Variants in OPCML observed in about 807,000 individuals in gnomAD.
The protein encoded by OPCML is opioid-binding protein/cell adhesion molecule.
OPCML carries 13 observed loss-of-function variants against 37.8 expected under a neutral mutation model. The ratio of observed to expected loss-of-function variants is 0.34; its 90% CI spans 0.22 to 0.55. The LOEUF (loss-of-function observed/expected upper bound fraction) is 0.55, where lower values mean the gene tolerates loss of function less well. Among genes scored for constraint, OPCML ranks in the 20% least tolerant of loss-of-function variants. The probability of loss-of-function intolerance (pLI) is 0.91; values close to 1 mark genes in which losing one functional copy is unlikely to be tolerated. For missense variants in OPCML, 341 were observed against 435.6 expected, an observed-to-expected ratio of 0.78 and a Z score of 1.93; for synonymous variants, 176 against 168.8, an observed-to-expected ratio of 1.04 and a Z score of -0.33.
intron 1 of OPCML, among the ~76,000 whole-genome samples, chr11:133,279,494 G>T (rs769410134): frequency 6.6e-6 from 1 of 152,156 alleles, no homozygotes; most frequent in South Asian, 2.1e-4. Context: ...GCTAAAGACC[G>T]TAGGCAGAAT....
chr11:132,459,407 TCACACATA>T (rs1333492998), intron 4 of OPCML, among the ~76,000 whole-genome samples: 1 of 117,582 alleles, frequency 8.5e-6, no homozygotes, highest in South Asian at 2.7e-4. Context: ...CTCTCTCTCT[TCACACATA>T]CATACATACA....
chr11:132,961,036 G>A (rs1278695429), intron 1 of OPCML, among the ~76,000 whole-genome samples: 1 of 152,124 alleles, frequency 6.6e-6, no homozygotes, highest in Non-Finnish European at 1.5e-5. Context: ...GCCGGATTCC[G>A]AAAAAGGGCA....
At chr11:132,473,908 C>T (rs1232664535) in intron 4 of OPCML, among the ~76,000 whole-genome samples, 1 of 152,076 alleles carries the variant, frequency 6.6e-6, no homozygotes, top group Non-Finnish European at 1.5e-5. Context: ...AAAATCCAAA[C>T]AGAACACTGT....
chr11:133,389,864 A>G (rs1945131454), intron 1 of OPCML, among the ~76,000 whole-genome samples: 1 of 152,234 alleles, frequency 6.6e-6, no homozygotes, highest in African/African-American at 2.4e-5. Flanking sequence ...CTAATTGACA[A>G]TGAAGAAGGA....
intron 4 of OPCML, among the ~76,000 whole-genome samples, chr11:132,481,082 T>C (rs2096178541): frequency 6.6e-6 from 1 of 152,162 alleles, no homozygotes; most frequent in Non-Finnish European, 1.5e-5. Flanking sequence ...ATATTAACTT[T>C]AAATGTAAAT....
intron 2 of OPCML, among the ~76,000 whole-genome samples, chr11:132,836,914 T>C (rs1346269496): frequency 1.3e-5 from 2 of 152,082 alleles, no homozygotes; most frequent in Non-Finnish European, 2.9e-5. Flanking sequence ...TGATAACCAG[T>C]GATCCTACAT....
intron 4 of OPCML, among the ~76,000 whole-genome samples, chr11:132,524,670 G>A (rs2096303370): frequency 6.6e-6 from 1 of 152,132 alleles, no homozygotes; most frequent in South Asian, 2.1e-4. Flanking sequence ...CAAAAGTGAG[G>A]CATGTGTCCT....
chr11:133,110,924 C>A (rs952167824), intron 1 of OPCML, among the ~76,000 whole-genome samples: 5 of 152,144 alleles, frequency 3.3e-5, no homozygotes, highest in Admixed American at 6.6e-5. Flanking sequence ...TGCCATTGGG[C>A]AGTTAGTAAA....
At chr11:133,147,316 T>G (rs76254113) in intron 1 of OPCML, among the ~76,000 whole-genome samples, 4,195 of 152,060 alleles carry the variant, frequency 0.028, 150 homozygotes, top group African/African-American at 0.084. Flanking sequence ...CAGTAGGTCA[T>G]GGGAGATTTG....
Position 133,433,233 on chromosome 11 carries a change from C to T in OPCML, c.61+99031G>A, listed in dbSNP as rs538157748. Among the ~76,000 whole-genome samples, 3 of 116,776 alleles carry T rather than the reference C, an allele frequency of 2.6e-5. No homozygotes were observed. The East Asian group carries it at 6.5e-4, about 25-fold the overall frequency. The allele number at this position is 116,776 out of a possible 152,430, so 76.6% of individuals were successfully genotyped here. A position where few individuals can be genotyped will look rare whatever the true frequency, so the allele number is the denominator to read the frequency against. ...CGCCACTGCACTCCAGCCTGGGCGA[C>T]AGAGCGAGACTCCGTCTCAAAAAAA... is the stretch of plus-strand genomic sequence containing the variant. On this transcript the variant is annotated intron_variant, in intron 1 of 7. Coordinates refer to ENST00000524381, the MANE Select transcript of OPCML (RefSeq NM_001012393.5).
At chr11:133,023,002 C>G (rs774704215) in intron 1 of OPCML, among the ~76,000 whole-genome samples, 20 of 152,194 alleles carry the variant, frequency 1.3e-4, no homozygotes, top group Non-Finnish European at 2.4e-4. Context: ...CGCATTACAC[C>G]CATTGGCCTT....
chr11:132,711,724 T>C (rs998869356), intron 2 of OPCML, among the ~76,000 whole-genome samples: 2 of 152,220 alleles, frequency 1.3e-5, no homozygotes, highest in African/African-American at 4.8e-5. Context: ...GTGTGTGGTA[T>C]ACATATGGAA....
chr11:133,048,087 T>C (rs956256958), intron 1 of OPCML, among the ~76,000 whole-genome samples: 3 of 152,122 alleles, frequency 2.0e-5, no homozygotes, highest in Non-Finnish European at 4.4e-5. Flanking sequence ...GTAAGACGCA[T>C]GCATGGCTTC....
At chr11:132,996,694 A>T (rs1290124240) in intron 1 of OPCML, among the ~76,000 whole-genome samples, 3 of 151,852 alleles carry the variant, frequency 2.0e-5, no homozygotes, top group African/African-American at 7.3e-5. Context: ...AAACAAGACA[A>T]TCTGGCCAGA....
chr11:133,011,007 G>C (rs1344078824), intron 1 of OPCML, among the ~76,000 whole-genome samples: 1 of 152,284 alleles, frequency 6.6e-6, no homozygotes. Flanking sequence ...ACACTATCTG[G>C]AATTTTTTTA....
At chr11:132,777,880 T>G (rs1046016743) in intron 2 of OPCML, among the ~76,000 whole-genome samples, 16 of 152,172 alleles carry the variant, frequency 1.1e-4, no homozygotes, top group African/African-American at 3.6e-4. Flanking sequence ...TCCCACATAA[T>G]GAGATAAACC....
intron 1 of OPCML, among the ~76,000 whole-genome samples, chr11:133,215,211 T>C (rs1241432994): frequency 6.7e-6 from 1 of 149,286 alleles, no homozygotes; most frequent in African/African-American, 2.6e-5. Flanking sequence ...AGAGAGTGTG[T>C]GTGTGTGAGA....
At chr11:133,460,823 C>A (rs1339193500) in intron 1 of OPCML, among the ~76,000 whole-genome samples, 1 of 151,884 alleles carries the variant, frequency 6.6e-6, no homozygotes, top group Admixed American at 6.6e-5. Context: ...CTTCCTAATT[C>A]TCTAGAAAAT....
chr11:132,433,501 G>T (rs923659777), intron 7 of OPCML, among the ~76,000 whole-genome samples: 1 of 152,292 alleles, frequency 6.6e-6, no homozygotes, highest in Non-Finnish European at 1.5e-5. Context: ...CATATATGCG[G>T]GAAGGAAGAC....
Sources: allele counts gnomAD v4.1 joint callset (sites outside exome capture counted in the v4.1 genomes callset), GRCh38; gene constraint gnomAD v4.1.1; transcripts MANE v1.5; gene names NCBI Gene and HGNC (gene_info 2026-07-23, HGNC 2026-07-21).